Variants in MARCO observed in about 807,000 individuals in gnomAD.
MARCO encodes macrophage receptor MARCO.
A neutral mutation model predicts 70.0 loss-of-function variants in MARCO; 72 were observed. The observed-to-expected ratio is 1.03, with a 90% CI of 0.85 to 1.25. The LOEUF (loss-of-function observed/expected upper bound fraction) is 1.25. Ranked by LOEUF, MARCO falls within the 50% of genes most tolerant of loss-of-function variation. The pLI, the probability that MARCO is intolerant of heterozygous loss-of-function variation, is 0.00. For synonymous variants in MARCO, 273 were observed against 243.1 expected, an observed-to-expected ratio of 1.12 and a Z score of -1.14; for missense variants, 696 against 659.3, an observed-to-expected ratio of 1.06 and a Z score of -0.61.
intron 1 of MARCO, among the ~76,000 whole-genome samples, chr2:118,959,913 C>T (rs1679910051): frequency 6.6e-6 from 1 of 151,808 alleles, no homozygotes; most frequent in African/African-American, 2.4e-5. Flanking sequence ...GGAGCTAAGC[C>T]ATGAAGGCAT....
intron 1 of MARCO, among the ~76,000 whole-genome samples, chr2:118,944,231 A>G (rs771965210): frequency 1.3e-5 from 2 of 152,186 alleles, no homozygotes; most frequent in Non-Finnish European, 1.5e-5. Flanking sequence ...CCACCAATAA[A>G]TAAATAAATA....
chr2:118,976,214 C>T (rs1056508809), intron 6 of MARCO, among the ~76,000 whole-genome samples: 1 of 152,212 alleles, frequency 6.6e-6, no homozygotes, highest in African/African-American at 2.4e-5. Context: ...TGTGCAACCA[C>T]TAGCACTAAA....
chr2:118,971,841 G>C (rs550463594), intron 4 of MARCO, among the ~76,000 whole-genome samples: 47 of 152,336 alleles, frequency 3.1e-4, no homozygotes, highest in African/African-American at 1.1e-3. Flanking sequence ...CTCTCTCCTG[G>C]TTTCCTGTAA....
Position 118,953,775 on chromosome 2 carries a change from G to A in MARCO, c.97+11378G>A, listed in dbSNP as rs573496638. On this transcript the variant is annotated intron_variant, in intron 1 of 16. Transcript: ENST00000327097. Reference sequence around the variant, plus strand: ...GTGTAAGTGGAAAAGGGAGACCCTCGTCTCCTGAACACACACCCTCACTGG... The same window carrying A: ...GTGTAAGTGGAAAAGGGAGACCCTCATCTCCTGAACACACACCCTCACTGG... Among the ~76,000 whole-genome samples, 32 of 152,296 alleles carry A rather than the reference G, an allele frequency of 2.1e-4. 1 individual carries two copies. Among genetic ancestry groups the A allele is most frequent in the African/African-American group, 5.8e-4 (24 of 41,564 alleles).
In MARCO at chr2:118,991,776, G is replaced by C. The variant is rs1317037131; in HGVS notation, c.1109-1G>C. ...GATCAGGGCAGTGTCTCTCCTTCCAGGCCCTGCAGGTGTGAAGGGAGAACA... is the reference window on the plus strand; with the variant it reads ...GATCAGGGCAGTGTCTCTCCTTCCACGCCCTGCAGGTGTGAAGGGAGAACA... On this transcript the variant is annotated splice_acceptor_variant, in intron 13 of 16. Coordinates refer to ENST00000327097, the MANE Select transcript of MARCO (RefSeq NM_006770.4). LOFTEE classifies it high-confidence loss of function. 2 of 1,569,874 alleles carry C rather than the reference G, an allele frequency of 1.3e-6. No homozygotes were observed. The highest frequency in any genetic ancestry group is 1.7e-6 in the Non-Finnish European group (2 of 1,156,528).
intron 1 of MARCO, among the ~76,000 whole-genome samples, chr2:118,964,654 G>A (rs1680009966): frequency 6.6e-6 from 1 of 152,104 alleles, no homozygotes; most frequent in Non-Finnish European, 1.5e-5. Flanking sequence ...TTGGGAGGCT[G>A]AGGTGGGCGG....
At chr2:118,959,475 CA>C (rs1158076383) in intron 1 of MARCO, among the ~76,000 whole-genome samples, 6 of 151,852 alleles carry the variant, frequency 4.0e-5, no homozygotes, top group Admixed American at 2.0e-4. Flanking sequence ...TAAAAAAAAT[CA>C]AAAAAACCAC....
rs147291973 is a variant in MARCO, at chr2:118,944,423, C to G, written c.97+2026C>G. 1.9e-3 allele frequency among the ~76,000 whole-genome samples: 284 copies of G among 152,250 alleles called. 1 individual carries two copies. The highest frequency in any genetic ancestry group is 6.7e-3 in the African/African-American group (278 of 41,544). The stretch of plus-strand genomic sequence containing the variant: ...TGAGGCTCTGGTAACACAGTGACCC[C>G]TCAGGGCCGGCTCTGCACATTACTT... On this transcript the variant is annotated intron_variant, in intron 1 of 16. Coordinates refer to ENST00000327097, the MANE Select transcript of MARCO (RefSeq NM_006770.4).
intron 8 of MARCO, 99 bp from the exon 9 acceptor site, chr2:118,981,310 A>AG: frequency 1.3e-6 from 1 of 772,236 alleles, no homozygotes. Flanking sequence ...CAAGGAGTTT[A>AG]GGGTTTGGGA....
chr2:118,982,032 G>A, intron 10 of MARCO, 124 bp from the exon 11 acceptor site: 1 of 648,654 alleles, frequency 1.5e-6, no homozygotes, highest in Non-Finnish European at 2.7e-6. Flanking sequence ...TGTTAAAGCT[G>A]CCAAGAGGAC....
In MARCO at chr2:118,989,539, C is replaced by T. The variant is rs1025665293; in HGVS notation, c.1064-1050C>T. Among the ~76,000 whole-genome samples, 8 of 152,294 alleles carry T rather than the reference C, an allele frequency of 5.3e-5. No homozygotes were observed. In the East Asian group the frequency reaches 1.2e-3, roughly 22 times the overall value. ...CCCCAGAGTCACAACTTCTCTTGCT[C>T]GTTATTCCAAGAAGGGGCCCTGAAG... On this transcript the variant is annotated intron_variant, in intron 12 of 16. Coordinates refer to ENST00000327097, the MANE Select transcript of MARCO (RefSeq NM_006770.4).
chr2:118,956,081 C>A (rs1005857830), intron 1 of MARCO, among the ~76,000 whole-genome samples: 3 of 152,040 alleles, frequency 2.0e-5, no homozygotes, highest in Admixed American at 6.6e-5. Flanking sequence ...AATCAAAAAA[C>A]CAAAATGAAA....
intron 12 of MARCO, among the ~76,000 whole-genome samples, chr2:118,985,120 A>G (rs1051234460): frequency 6.6e-6 from 1 of 152,030 alleles, no homozygotes. Flanking sequence ...TATCATTCCT[A>G]CTTTACAAAC....
intron 1 of MARCO, among the ~76,000 whole-genome samples, chr2:118,944,118 G>T (rs912657296): frequency 1.3e-5 from 2 of 152,158 alleles, no homozygotes; most frequent in Non-Finnish European, 2.9e-5. Context: ...TCTGACCTGG[G>T]TTGTGTGTGT....
chr2:118,990,909 T>C (rs370309673), intron 13 of MARCO, among the ~76,000 whole-genome samples: 4 of 152,082 alleles, frequency 2.6e-5, no homozygotes, highest in Non-Finnish European at 4.4e-5. Context: ...TCAGGAGAGC[T>C]GGGGGTGCAG....
chr2:118,943,335 C>G (rs1027483384), intron 1 of MARCO, among the ~76,000 whole-genome samples: 1 of 152,154 alleles, frequency 6.6e-6, no homozygotes, highest in African/African-American at 2.4e-5. Context: ...TAATCATTGG[C>G]TATTTAGAAC....
intron 8 of MARCO, among the ~76,000 whole-genome samples, chr2:118,978,709 T>C (rs953339288): frequency 3.3e-5 from 5 of 152,174 alleles, no homozygotes; most frequent in Non-Finnish European, 7.3e-5. Context: ...AGTTAAAAAA[T>C]AATTAAATTA....
chr2:118,966,403 A>T (rs1680048002), intron 1 of MARCO, among the ~76,000 whole-genome samples: 1 of 152,108 alleles, frequency 6.6e-6, no homozygotes, highest in Non-Finnish European at 1.5e-5. Context: ...TGTTTTCTTT[A>T]TAGTTTCTTC....
chr2:118,973,220 C>G (rs909205316), intron 4 of MARCO, among the ~76,000 whole-genome samples: 3 of 152,114 alleles, frequency 2.0e-5, no homozygotes, highest in Non-Finnish European at 4.4e-5. Context: ...CCATGTCTCT[C>G]TCTCTGTCTC....
Sources: allele counts gnomAD v4.1 joint callset (sites outside exome capture counted in the v4.1 genomes callset), GRCh38; gene constraint gnomAD v4.1.1; transcripts MANE v1.5; gene names NCBI Gene and HGNC (gene_info 2026-07-23, HGNC 2026-07-21).